GSTT4: variants seen among roughly 807,000 people sequenced by gnomAD.
The protein encoded by GSTT4 is glutathione S-transferase theta 4.
the GSTT4 span, among the ~76,000 whole-genome samples, chr22:23,990,757 G>A: frequency 5.0e-5 from 5 of 99,738 alleles, 2 homozygotes; most frequent in Non-Finnish European, 6.9e-5. Flanking sequence ...AAGCACATGG[G>A]GTGAAGATAT....
At chr22:23,991,506 C>A in the GSTT4 span, 2 of 62,270 alleles carry the variant, frequency 3.2e-5, 1 homozygote, top group Non-Finnish European at 6.6e-5. Context: ...CGGGGACAGG[C>A]CCGGGAACAG....
the GSTT4 span, among the ~76,000 whole-genome samples, chr22:23,992,902 G>A: frequency 2.6e-5 from 4 of 151,746 alleles, no homozygotes; most frequent in African/African-American, 9.7e-5. Context: ...ACCCTCCCAT[G>A]TAGCTCAGAC....
rs1332035264 is a variant in GSTT4 at position 24,002,140 on chromosome 22, G to A, written c.201-815C>T. On this transcript the variant is annotated intron_variant, in intron 2 of 4. Coordinates refer to ENST00000621179, the MANE Select transcript of GSTT4 (RefSeq NM_001358664.2). The stretch of plus-strand genomic sequence containing the variant: ...CAGCCAGAGACACTGTGGAGTCCAC[G>A]TAGGGTAGCCCCTGGAGGTGCAGGG... 2.0e-5 allele frequency among the ~76,000 whole-genome samples: 3 copies of A among 152,410 alleles called. No homozygotes were observed. The South Asian group carries it at 6.2e-4, about 32-fold the overall frequency.
At position 23,998,450 on chromosome 22, in the gene GSTT4, T is replaced by G. The variant is rs569652999; in HGVS notation, c.*92A>C. On this transcript the variant is annotated 3_prime_UTR_variant, in exon 5 of 5. Coordinates refer to ENST00000621179, the MANE Select transcript of GSTT4 (RefSeq NM_001358664.2). ...AGGCAAAGAACAGTTGTTTTTTTGTTTTTTTGTTTTTTTTTTTTTAACATT... is the reference window on the plus strand; with the variant it reads ...AGGCAAAGAACAGTTGTTTTTTTGTGTTTTTGTTTTTTTTTTTTTAACATT... The G allele has an allele frequency of 5.9e-3, 151 of 25,500 alleles. 3 individuals are homozygous for G. The South Asian group carries it at 0.14, about 24-fold the overall frequency. The allele number at this position is 25,500 out of a possible 1,614,324, so 1.6% of individuals were successfully genotyped here. A position where few individuals can be genotyped will look rare whatever the true frequency, so the allele number is the denominator to read the frequency against.
chr22:23,995,235 C>T (rs1444193569), downstream of GSTT4, among the ~76,000 whole-genome samples: 4 of 146,724 alleles, frequency 2.7e-5, no homozygotes, highest in Non-Finnish European at 4.5e-5. Context: ...CGGATTCAAG[C>T]GATTCTCCTG....
At chr22:23,991,850 C>G in the GSTT4 span, among the ~76,000 whole-genome samples, 5 of 128,602 alleles carry the variant, frequency 3.9e-5, no homozygotes, top group Admixed American at 4.1e-4. Context: ...GTCAGGAGAT[C>G]GAGACCATAC....
intron 1 of GSTT4, chr22:24,004,055 C>G (rs978957304): frequency 6.5e-6 from 1 of 153,678 alleles, no homozygotes; most frequent in Admixed American, 6.5e-5. Context: ...CTGCTCCACC[C>G]TAGGTTTGGT....
At chr22:23,989,812 T>G in the GSTT4 span, among the ~76,000 whole-genome samples, 1 of 149,222 alleles carries the variant, frequency 6.7e-6, no homozygotes, top group Non-Finnish European at 1.5e-5. Context: ...GTGCCTGGTG[T>G]TTGGATCAGA....
At position 23,998,440 on chromosome 22, in the gene GSTT4, G is replaced by GTTTTTTTTTTTTTTT. The variant is rs1232729994; in HGVS notation, c.*101_*102insAAAAAAAAAAAAAAA. 7.1e-6 allele frequency: 1 copy of GTTTTTTTTTTTTTTT among 139,912 alleles called. No homozygotes were observed. Among genetic ancestry groups the GTTTTTTTTTTTTTTT allele is most frequent in the Non-Finnish European group, 1.5e-5 (1 of 64,672 alleles). 8.7% of individuals were successfully genotyped at this position (139,912 alleles called of 1,614,324 possible). ...GTTCTTTATTAGGCAAAGAACAGTT[G>GTTTTTTTTTTTTTTT]TTTTTTTGTTTTTTTGTTTTTTTTT... On this transcript the variant is annotated 3_prime_UTR_variant, in exon 5 of 5. Coordinates refer to ENST00000621179, the MANE Select transcript of GSTT4 (RefSeq NM_001358664.2).
At chr22:23,992,114 G>A in the GSTT4 span, among the ~76,000 whole-genome samples, 118 of 138,700 alleles carry the variant, frequency 8.5e-4, no homozygotes, top group Non-Finnish European at 1.4e-3. Context: ...CTTGCCCAGT[G>A]CCTGGGCCCA....
At chr22:23,997,983 C>T (rs2034134657), downstream of GSTT4, among the ~76,000 whole-genome samples, 1 of 152,148 alleles carries the variant, frequency 6.6e-6, no homozygotes, top group Non-Finnish European at 1.5e-5. Context: ...TCTAGTTTTC[C>T]TTCTGTTCTT....
downstream of GSTT4, among the ~76,000 whole-genome samples, chr22:23,997,229 G>GT (rs1462972968): frequency 5.9e-5 from 9 of 151,328 alleles, no homozygotes; most frequent in Admixed American, 5.9e-4. Flanking sequence ...GTTTTTGTTT[G>GT]TTTTTTGAGA....
chr22:23,998,272 A>G (rs1275090257), downstream of GSTT4: 2 of 110,040 alleles, frequency 1.8e-5, no homozygotes, highest in Non-Finnish European at 4.0e-5. Context: ...AACTATTATT[A>G]CTCACAATGT....
At chr22:23,996,464 T>G (rs940921295), downstream of GSTT4, among the ~76,000 whole-genome samples, 6 of 152,118 alleles carry the variant, frequency 3.9e-5, no homozygotes, top group Non-Finnish European at 8.8e-5. Flanking sequence ...ATGGATGAAG[T>G]ATGGTGTTAG....
the GSTT4 span, among the ~76,000 whole-genome samples, chr22:23,991,836 C>T: frequency 7.8e-6 from 1 of 129,016 alleles, no homozygotes; most frequent in Non-Finnish European, 1.7e-5. Context: ...GGGTGGATCA[C>T]GAGGTCAGGA....
chr22:24,004,174 G>A (rs1331622343), intron 1 of GSTT4: 1 of 153,346 alleles, frequency 6.5e-6, no homozygotes, highest in Non-Finnish European at 1.5e-5. Context: ...CACAGCCTTT[G>A]AATCACCTGA....
Position 24,001,159 on chromosome 22 carries a change from A to C in GSTT4, c.351+16T>G, listed in dbSNP as rs2034221457. The C allele has an allele frequency of 6.9e-6, 1 of 144,892 alleles. No homozygotes were observed. The highest frequency in any genetic ancestry group is 1.5e-5 in the Non-Finnish European group (1 of 66,322). 9.0% of individuals were successfully genotyped at this position (144,892 alleles called of 1,614,324 possible). A position where few individuals can be genotyped will look rare whatever the true frequency, so the allele number is the denominator to read the frequency against. On this transcript the variant is annotated intron_variant, in intron 3 of 4. Transcript: ENST00000621179. ...CTGTGCCCGTGTCCCCAAGCCCCAG[A>C]AGTGGCCCTGCTCACCTTGAGCCAG...
In GSTT4 at chr22:23,998,462, T is replaced by TG. The variant is rs1373620356; in HGVS notation, c.*79_*80insC. On this transcript the variant is annotated 3_prime_UTR_variant, in exon 5 of 5. Transcript: ENST00000621179. ...GTTGTTTTTTTGTTTTTTTGTTTTT[T>TG]TTTTTTTAACATTTCCTTTAAGGAA... 2.8e-5 allele frequency: 1 copy of TG among 35,390 alleles called. No homozygotes were observed. The highest frequency in any genetic ancestry group is 7.4e-5 in the Non-Finnish European group (1 of 13,496). The allele number at this position is 35,390 out of a possible 1,614,324, so 2.2% of individuals were successfully genotyped here.
At chr22:24,004,111 T>G (rs1479825074) in intron 1 of GSTT4, 1 of 153,630 alleles carries the variant, frequency 6.5e-6, no homozygotes, top group Non-Finnish European at 1.4e-5. Context: ...GACGACCCTT[T>G]TACCCAGAAG....
Sources: gnomAD v4.1 joint callset for allele counts (sites outside exome capture counted in the v4.1 genomes callset) on GRCh38, gnomAD v4.1.1 for gene constraint, MANE v1.5 for transcripts, NCBI Gene and HGNC (gene_info 2026-07-23, HGNC 2026-07-21) for gene names.